The following NRXN1 variants were observed in gnomAD, a reference collection of about 807,000 sequenced individuals.
The protein encoded by NRXN1 is neurexin 1, also known as neurexin-1.
NRXN1 carries 39 observed loss-of-function variants against 150.9 expected under a neutral mutation model. The ratio of observed to expected loss-of-function variants is 0.26; its 90% CI spans 0.20 to 0.34. The LOEUF is 0.34. Ranked by LOEUF, NRXN1 falls within the 10% of genes least tolerant of loss-of-function variation. NRXN1 has a pLI of 1.00. For missense variants in NRXN1, 1,815 were observed against 1,949.9 expected, an observed-to-expected ratio of 0.93 and a Z score of 1.30; for synonymous variants, 924 against 757.0, an observed-to-expected ratio of 1.22 and a Z score of -3.62.
intron 7 of NRXN1, 130 bp from the exon 8 acceptor site, chr2:50,620,313 G>A: frequency 2.8e-6 from 3 of 1,062,310 alleles, no homozygotes; most frequent in East Asian, 2.7e-5. Flanking sequence ...CTTTTTTTCT[G>A]TTTGTTTGGT....
intron 8 of NRXN1, among the ~76,000 whole-genome samples, chr2:50,602,589 T>G (rs1401916659): frequency 6.6e-6 from 1 of 152,146 alleles, no homozygotes; most frequent in Non-Finnish European, 1.5e-5. Context: ...GAAGTTTCCT[T>G]CCTTCCTTCC....
At chr2:50,412,446 G>A (rs1355122765) in intron 17 of NRXN1, among the ~76,000 whole-genome samples, 1 of 151,948 alleles carries the variant, frequency 6.6e-6, no homozygotes, top group East Asian at 1.9e-4. Context: ...CAGGGCAAAA[G>A]TTACTGATAA....
At chr2:50,217,585 G>T (rs2152852478) in intron 18 of NRXN1, among the ~76,000 whole-genome samples, 1 of 151,992 alleles carries the variant, frequency 6.6e-6, no homozygotes, top group East Asian at 1.9e-4. Flanking sequence ...TTTCAGAAAT[G>T]CCTAAAGAGA....
At chr2:50,338,521 C>T (rs1384719099) in intron 17 of NRXN1, among the ~76,000 whole-genome samples, 1 of 151,908 alleles carries the variant, frequency 6.6e-6, no homozygotes, top group African/African-American at 2.4e-5. Flanking sequence ...TTTCTCTATA[C>T]TAGATTGTAA....
chr2:50,945,877 G>C (rs1197613574), intron 2 of NRXN1, among the ~76,000 whole-genome samples: 1 of 138,672 alleles, frequency 7.2e-6, no homozygotes, highest in African/African-American at 2.7e-5. Context: ...CAGAAAAACA[G>C]ATATATATAT....
chr2:50,833,896 T>A (rs1245163862), intron 5 of NRXN1, among the ~76,000 whole-genome samples: 1 of 152,206 alleles, frequency 6.6e-6, no homozygotes, highest in Non-Finnish European at 1.5e-5. Context: ...GTTATTTATC[T>A]AAGAGTATCT....
intron 5 of NRXN1, among the ~76,000 whole-genome samples, chr2:50,880,152 C>G (rs1679211497): frequency 6.6e-6 from 1 of 151,866 alleles, no homozygotes; most frequent in Non-Finnish European, 1.5e-5. Flanking sequence ...AGCAAAGAAG[C>G]TGGGTTTTTT....
At chr2:50,986,446 A>G (rs1225759205) in intron 2 of NRXN1, among the ~76,000 whole-genome samples, 1 of 151,830 alleles carries the variant, frequency 6.6e-6, no homozygotes, top group East Asian at 1.9e-4. Context: ...ATATTTACCA[A>G]CAAGGAATCA....
At chr2:50,910,306 G>T (rs994521865) in intron 5 of NRXN1, among the ~76,000 whole-genome samples, 2 of 151,768 alleles carry the variant, frequency 1.3e-5, no homozygotes, top group Non-Finnish European at 1.5e-5. Flanking sequence ...TTCCACTATT[G>T]TGCATTCACT....
chr2:50,035,576 T>C (rs1689901902), intron 21 of NRXN1, among the ~76,000 whole-genome samples: 3 of 152,280 alleles, frequency 2.0e-5, no homozygotes, highest in Middle Eastern at 3.4e-3. Flanking sequence ...TAAGTTCTGC[T>C]ATATTATTGG....
At chr2:49,968,098 G>C (rs2152491796) in intron 21 of NRXN1, among the ~76,000 whole-genome samples, 1 of 150,074 alleles carries the variant, frequency 6.7e-6, no homozygotes, top group East Asian at 2.0e-4. Flanking sequence ...CTCATTTACT[G>C]CCCAGACCCA....
chr2:50,500,181 G>C (rs1032543563), intron 13 of NRXN1, among the ~76,000 whole-genome samples: 6 of 151,948 alleles, frequency 3.9e-5, no homozygotes, highest in African/African-American at 1.5e-4. Flanking sequence ...GTTCTTACCA[G>C]CTCTAAAAGA....
rs373819804 is a variant in NRXN1 at position 50,567,505 on chromosome 2, T to A, written c.1321-14480A>T. 2.6e-5 allele frequency among the ~76,000 whole-genome samples: 4 copies of A among 152,240 alleles called. 1 individual carries two copies. The highest frequency in any genetic ancestry group is 6.5e-5 in the Admixed American group (1 of 15,278). On this transcript the variant is annotated intron_variant, in intron 8 of 22. Transcript: ENST00000401669. ...TCTCATATCACGACAAATATTTCAA[T>A]GAAATATTTTTAAAACTTAATAAGA... is the stretch of plus-strand genomic sequence containing the variant.
intron 5 of NRXN1, among the ~76,000 whole-genome samples, chr2:50,797,948 C>T (rs1490264184): frequency 6.6e-6 from 1 of 152,134 alleles, no homozygotes; most frequent in Non-Finnish European, 1.5e-5. Context: ...GGTGATCAGG[C>T]TTCTCTGCTC....
At chr2:49,984,177 GA>G (rs779705727) in intron 21 of NRXN1, among the ~76,000 whole-genome samples, 40 of 150,102 alleles carry the variant, frequency 2.7e-4, no homozygotes, top group South Asian at 6.3e-4. Flanking sequence ...AAAAAATTAA[GA>G]AAAAAAAATC....
At chr2:50,944,779 A>T (rs1360635483) in intron 2 of NRXN1, among the ~76,000 whole-genome samples, 2 of 152,186 alleles carry the variant, frequency 1.3e-5, no homozygotes, top group Non-Finnish European at 2.9e-5. Flanking sequence ...TATAAGAAGG[A>T]CTTGATTAAA....
At chr2:50,940,147 T>C (rs1434629893) in intron 2 of NRXN1, among the ~76,000 whole-genome samples, 1 of 151,942 alleles carries the variant, frequency 6.6e-6, no homozygotes, top group Non-Finnish European at 1.5e-5. Flanking sequence ...GAACTTAGAG[T>C]GCAGTTTAAG....
At chr2:50,520,176 T>A (rs1558872303) in intron 12 of NRXN1, among the ~76,000 whole-genome samples, 1 of 151,954 alleles carries the variant, frequency 6.6e-6, no homozygotes, top group Admixed American at 6.6e-5. Context: ...GCTACTTTTA[T>A]GTATTTTCTG....
intron 2 of NRXN1, among the ~76,000 whole-genome samples, chr2:51,003,913 C>G (rs571791420): frequency 6.6e-6 from 1 of 151,930 alleles, no homozygotes; most frequent in African/African-American, 2.4e-5. Flanking sequence ...TAACTGTCAT[C>G]TTTTTAGCAC....
Sources: gnomAD v4.1 joint callset for allele counts (sites outside exome capture counted in the v4.1 genomes callset) on GRCh38, gnomAD v4.1.1 for gene constraint, MANE v1.5 for transcripts, NCBI Gene and HGNC (gene_info 2026-07-23, HGNC 2026-07-21) for gene names.